The following HIVEP3 variants were observed in gnomAD, a reference collection of about 807,000 sequenced individuals.
HIVEP3 encodes HIVEP zinc finger 3.
HIVEP3 carries 49 observed loss-of-function variants against 152.8 expected under a neutral mutation model. That is an observed-to-expected ratio of 0.32 (90% CI 0.26 to 0.41). HIVEP3 has a LOEUF of 0.41. Ranked by LOEUF, HIVEP3 falls within the 10% of genes least tolerant of loss-of-function variation. HIVEP3 has a pLI of 1.00. For missense variants in HIVEP3, 2,790 were observed against 3,103.3 expected (o/e 0.90, Z 2.40); for synonymous variants, 1,269 against 1,289.0 (o/e 0.98, Z 0.33).
At chr1:41,980,172 A>G (rs907323803) in intron 1 of HIVEP3, among the ~76,000 whole-genome samples, 7 of 152,248 alleles carry the variant, frequency 4.6e-5, no homozygotes, top group African/African-American at 1.7e-4. Flanking sequence ...AACGTTAAAC[A>G]TAAAACTTAC....
At chr1:41,960,558 G>A (rs116561457) in intron 1 of HIVEP3, among the ~76,000 whole-genome samples, 1 of 152,116 alleles carries the variant, frequency 6.6e-6, no homozygotes, top group Non-Finnish European at 1.5e-5. Context: ...GCTCCTCGAA[G>A]GATTACACTG....
intron 5 of HIVEP3, among the ~76,000 whole-genome samples, chr1:41,572,454 G>A (rs748106966): frequency 6.6e-6 from 1 of 152,092 alleles, no homozygotes; most frequent in African/African-American, 2.4e-5. Flanking sequence ...CACCCACTCC[G>A]GGAAGCCCTC....
chr1:41,808,655 T>C (rs985991814), intron 1 of HIVEP3, among the ~76,000 whole-genome samples: 6 of 152,248 alleles, frequency 3.9e-5, no homozygotes, highest in Non-Finnish European at 8.8e-5. Context: ...CTAGCAATTA[T>C]AGAACCTTCC....
rs348129 is a variant in HIVEP3 at position 41,993,686 on chromosome 1, A to G, written n.119+42121T>C. Among the ~76,000 whole-genome samples, 16 of 151,716 alleles carry G rather than the reference A, an allele frequency of 1.1e-4. No individual in the cohort carries two copies. The South Asian group carries it at 1.5e-3, about 14-fold the overall frequency. ...AAGGACTATAAATCATGCTGCTATAAAGACACATGCACACATATGTTTATT... is the reference window on the plus strand; with the variant it reads ...AAGGACTATAAATCATGCTGCTATAGAGACACATGCACACATATGTTTATT... On this transcript the variant is annotated intron_variant and non_coding_transcript_variant, in intron 1 of 3. Coordinates refer to the HIVEP3 transcript ENST00000489103.
chr1:41,643,293 C>G (rs952495338), intron 2 of HIVEP3, among the ~76,000 whole-genome samples: 26 of 152,228 alleles, frequency 1.7e-4, no homozygotes, highest in African/African-American at 5.8e-4. Context: ...GCTTCTAACC[C>G]TCATCCAGAG....
intron 1 of HIVEP3, among the ~76,000 whole-genome samples, chr1:41,875,247 C>T (rs1165485564): frequency 6.6e-6 from 1 of 152,218 alleles, no homozygotes; most frequent in Admixed American, 6.5e-5. Flanking sequence ...TGAGGCTCCC[C>T]TGTACCCTGT....
At chr1:41,836,401 T>C (rs1193536727) in intron 1 of HIVEP3, among the ~76,000 whole-genome samples, 1 of 152,222 alleles carries the variant, frequency 6.6e-6, no homozygotes, top group African/African-American at 2.4e-5. Context: ...CATGGGAAGA[T>C]GCCTGGTCTC....
chr1:41,998,493 G>A (rs1253270406), intron 1 of HIVEP3, among the ~76,000 whole-genome samples: 1 of 152,130 alleles, frequency 6.6e-6, no homozygotes, highest in Non-Finnish European at 1.5e-5. Context: ...TAGGAATACT[G>A]AGCATTTCAG....
At position 41,748,762 on chromosome 1, in the gene HIVEP3, T is replaced by C. The variant is rs1647110594; in HGVS notation, c.-800-47767A>G. ...TAGCAGCCTTCTTCTAAGACACAGA[T>C]ATTGGTCAGAATGCCACAGACCCCC... On this transcript the variant is annotated intron_variant, in intron 1 of 8. Coordinates refer to ENST00000372583, the MANE Select transcript of HIVEP3 (RefSeq NM_024503.5). 2.0e-5 allele frequency among the ~76,000 whole-genome samples: 3 copies of C among 152,284 alleles called. 1 individual carries two copies. The highest frequency in any genetic ancestry group is 7.2e-5 in the African/African-American group (3 of 41,536).
At chr1:41,716,375 G>A (rs1268260440) in intron 1 of HIVEP3, among the ~76,000 whole-genome samples, 1 of 152,182 alleles carries the variant, frequency 6.6e-6, no homozygotes, top group African/African-American at 2.4e-5. Context: ...ATCACAGGAT[G>A]GAGAGAGTTT....
chr1:41,910,444 C>A (rs988377303), intron 1 of HIVEP3, among the ~76,000 whole-genome samples: 2 of 151,794 alleles, frequency 1.3e-5, no homozygotes, highest in Admixed American at 6.6e-5. Context: ...GAAAGAACTC[C>A]AGCCTCACAG....
chr1:41,983,152 C>T (rs1482645867), intron 1 of HIVEP3, among the ~76,000 whole-genome samples: 1 of 152,228 alleles, frequency 6.6e-6, no homozygotes, highest in Non-Finnish European at 1.5e-5. Flanking sequence ...GCTCGCCCAC[C>T]TCACAGGCTG....
chr1:41,816,980 AC>A (rs1356971482), intron 1 of HIVEP3, among the ~76,000 whole-genome samples: 7 of 152,158 alleles, frequency 4.6e-5, no homozygotes, highest in Non-Finnish European at 1.0e-4. Flanking sequence ...ACTTCTAAGC[AC>A]ATCTTTTTGA....
intron 1 of HIVEP3, among the ~76,000 whole-genome samples, chr1:41,839,162 C>G (rs1643212439): frequency 6.6e-6 from 1 of 152,160 alleles, no homozygotes; most frequent in Non-Finnish European, 1.5e-5. Context: ...GATTTCCTCA[C>G]CCTATGCTAC....
intron 2 of HIVEP3, among the ~76,000 whole-genome samples, chr1:41,653,661 C>T (rs1242671493): frequency 6.6e-6 from 1 of 152,178 alleles, no homozygotes; most frequent in Non-Finnish European, 1.5e-5. Flanking sequence ...GCATCTGGTG[C>T]CTCTCCTAGA....
intron 1 of HIVEP3, among the ~76,000 whole-genome samples, chr1:41,880,406 T>C (rs1570726778): frequency 6.6e-6 from 1 of 152,206 alleles, no homozygotes; most frequent in African/African-American, 2.4e-5. Flanking sequence ...GAGTGAGTAC[T>C]GCTTACCAGG....
At chr1:41,733,788 C>T (rs903764028) in intron 1 of HIVEP3, among the ~76,000 whole-genome samples, 12 of 152,298 alleles carry the variant, frequency 7.9e-5, no homozygotes, top group African/African-American at 2.6e-4. Flanking sequence ...GCTCCTCACT[C>T]TCTTTGTCCC....
chr1:42,034,640 A>C (rs938640928), intron 1 of HIVEP3, among the ~76,000 whole-genome samples: 2 of 152,238 alleles, frequency 1.3e-5, no homozygotes, highest in Non-Finnish European at 2.9e-5. Context: ...CAGTAATGCC[A>C]ACCCGGCTGG....
At chr1:41,523,971 G>A (rs939567763) in intron 6 of HIVEP3, among the ~76,000 whole-genome samples, 1 of 152,256 alleles carries the variant, frequency 6.6e-6, no homozygotes, top group Non-Finnish European at 1.5e-5. Context: ...TGCAATCCAA[G>A]AATCTCATGG....
Sources: gnomAD v4.1 joint callset for allele counts (sites outside exome capture counted in the v4.1 genomes callset) on GRCh38, gnomAD v4.1.1 for gene constraint, MANE v1.5 for transcripts, NCBI Gene and HGNC (gene_info 2026-07-23, HGNC 2026-07-21) for gene names.